Variants in ACSM2B observed in about 807,000 individuals in gnomAD.
ACSM2B encodes the protein acyl-CoA synthetase medium chain family member 2B.
In ACSM2B, 58 loss-of-function variants were observed where a neutral mutation model predicts 78.6. The observed-to-expected ratio is 0.74, with a 90% CI of 0.60 to 0.92. The LOEUF (loss-of-function observed/expected upper bound fraction) is 0.92. ACSM2B is among the 40% of genes least tolerant of loss of function. The pLI is 0.00. For synonymous variants in ACSM2B, 257 were observed against 256.8 expected (o/e 1.00, Z -0.01); for missense variants, 688 against 711.2 (o/e 0.97, Z 0.37).
At chr16:20,543,928 T>A (rs1022602627) in intron 10 of ACSM2B, among the ~76,000 whole-genome samples, 1 of 152,164 alleles carries the variant, frequency 6.6e-6, no homozygotes, top group Non-Finnish European at 1.5e-5. Context: ...ATACTGATGA[T>A]CAGAGACATC....
Position 20,545,185 on chromosome 16 carries a change from C to A in ACSM2B, c.1253G>T (p.Arg418Met). Residue 418 changes from arginine to methionine, a missense_variant, in exon 10 of 14, where the codon AGG becomes ATG. Coordinates refer to ENST00000329697, the MANE Select transcript of ACSM2B (RefSeq NM_001105069.2). ...GDIGIRVKPI[R>M]PIGIFSGYVE... ...ATAGCCAGAGAAGATGCCTATAGGC[C>A]TGATGGGTTTGACCCTGATGCCAAT... is the stretch of plus-strand genomic sequence containing the variant. 6.2e-7 allele frequency: 1 copy of A among 1,613,812 alleles called. No individual in the cohort carries two copies. Among genetic ancestry groups the A allele is most frequent in the Non-Finnish European group, 8.5e-7 (1 of 1,179,810 alleles).
chr16:20,556,609 TAAAAG>T (rs2015482251), intron 3 of ACSM2B, among the ~76,000 whole-genome samples: 1 of 152,034 alleles, frequency 6.6e-6, no homozygotes, highest in South Asian at 2.1e-4. Context: ...CTCAAAAAAA[TAAAAG>T]AAAAAGAAAA....
Position 20,537,347 on chromosome 16 carries a change from T to G in ACSM2B, c.1645A>C (p.Asn549His). The G allele has an allele frequency of 1.9e-6, 3 of 1,613,978 alleles. No individual in the cohort carries two copies. Among genetic ancestry groups the G allele is most frequent in the Non-Finnish European group, 2.5e-6 (3 of 1,179,886 alleles). ...KYPRKIEFVL[N>H]LPKTVTGKIQ... Reference sequence around the variant, plus strand: ...TTCCCTGTGACAGTCTTGGGCAGGTTCAAGACAAACTCTATCTGTTGAAAA... The same window carrying G: ...TTCCCTGTGACAGTCTTGGGCAGGTGCAAGACAAACTCTATCTGTTGAAAA... The change falls in exon 14 of 14, where the codon AAC (asparagine) becomes CAC (histidine). Residue 549 changes from asparagine to histidine, a missense_variant. By Grantham distance (68) the Asn-to-His change is moderately conservative. Transcript: ENST00000329697.
intron 2 of ACSM2B, among the ~76,000 whole-genome samples, chr16:20,562,536 T>C (rs28690430): frequency 0.032 from 4,811 of 152,264 alleles, 219 homozygotes; most frequent in African/African-American, 0.1. Flanking sequence ...AAGCTAACTA[T>C]AGGAGGAATT....
chr16:20,546,469 T>C lies in ACSM2B; in HGVS notation c.1104A>G (p.Leu368=), dbSNP rs139236064. The change falls in exon 9 of 14, where the codon TTA becomes TTG. Residue 368 remains leucine (L), a synonymous_variant. Coordinates refer to ENST00000329697, the MANE Select transcript of ACSM2B (RefSeq NM_001105069.2). ...TCATTGTCTTGGAAACCATGCAAGT[T>C]AATCCCTGTGGAAAGAAGCAGACAG... ...REFYGQTETG[L]TCMVSKTMKI... The C allele has an allele frequency of 5.5e-4, 875 of 1,600,482 alleles. 2 individuals carry two copies. The African/African-American group carries it at 7.1e-3, about 13-fold the overall frequency.
chr16:20,546,635 G>T, intron 8 of ACSM2B, 161 bp from the exon 9 acceptor site: 4 of 1,294,042 alleles, frequency 3.1e-6, no homozygotes, highest in Non-Finnish European at 4.1e-6. Flanking sequence ...CCCATTACTG[G>T]AATCACAATC....
chr16:20,557,914 G>A (rs1442982421), intron 3 of ACSM2B, among the ~76,000 whole-genome samples: 3 of 152,050 alleles, frequency 2.0e-5, no homozygotes, highest in African/African-American at 7.2e-5. Flanking sequence ...CTCATCCCTG[G>A]ACATAGTCCA....
chr16:20,551,837 G>A (rs9940784), intron 6 of ACSM2B, among the ~76,000 whole-genome samples: 6,893 of 152,136 alleles, frequency 0.045, 535 homozygotes, highest in African/African-American at 0.16. Context: ...TTTTACATGT[G>A]GTTCACCAGC....
intron 10 of ACSM2B, among the ~76,000 whole-genome samples, chr16:20,544,018 G>A (rs759437371): frequency 3.9e-5 from 6 of 152,214 alleles, no homozygotes; most frequent in African/African-American, 7.2e-5. Context: ...CTACTGGATT[G>A]ACTTTCTCAT....
intron 3 of ACSM2B, among the ~76,000 whole-genome samples, chr16:20,557,242 G>A (rs1392453578): frequency 3.3e-5 from 5 of 152,028 alleles, no homozygotes. Flanking sequence ...TGGACATCCT[G>A]GACTCAACAT....
chr16:20,552,756 T>G (rs1308050051), intron 5 of ACSM2B, among the ~76,000 whole-genome samples: 1 of 152,236 alleles, frequency 6.6e-6, no homozygotes, highest in Non-Finnish European at 1.5e-5. Context: ...GGTCTTGCAC[T>G]AAGTGAACTC....
At chr16:20,568,617 C>G (rs1228681884) in intron 1 of ACSM2B, among the ~76,000 whole-genome samples, 1 of 151,408 alleles carries the variant, frequency 6.6e-6, no homozygotes, top group African/African-American at 2.4e-5. Flanking sequence ...AATGGTAGTT[C>G]TACTTTTCGT....
At chr16:20,548,774 C>A (rs562000168) in intron 6 of ACSM2B, among the ~76,000 whole-genome samples, 30 of 152,122 alleles carry the variant, frequency 2.0e-4, no homozygotes, top group Non-Finnish European at 4.1e-4. Context: ...CATTAACACA[C>A]CCCTAGGAGT....
At chr16:20,566,135 A>T (rs962521232) in intron 1 of ACSM2B, among the ~76,000 whole-genome samples, 1 of 145,216 alleles carries the variant, frequency 6.9e-6, no homozygotes, top group African/African-American at 2.5e-5. Flanking sequence ...ATTTTTATAT[A>T]TATTTTTGTT....
chr16:20,562,384 T>A (rs1333825936), intron 2 of ACSM2B, among the ~76,000 whole-genome samples: 1 of 152,112 alleles, frequency 6.6e-6, no homozygotes. Flanking sequence ...TGTTAGCAAT[T>A]TTATTAGCTA....
At chr16:20,554,890 T>C (rs2015421125) in intron 4 of ACSM2B, among the ~76,000 whole-genome samples, 1 of 152,226 alleles carries the variant, frequency 6.6e-6, no homozygotes, top group Admixed American at 6.5e-5. Context: ...TTCTCTGTTT[T>C]ACCATAGCAT....
intron 1 of ACSM2B, among the ~76,000 whole-genome samples, chr16:20,565,443 G>A (rs988930724): frequency 1.3e-5 from 2 of 152,140 alleles, no homozygotes; most frequent in Non-Finnish European, 2.9e-5. Context: ...GTGGAGTTGA[G>A]CTGAGCCTAG....
Position 20,541,491 on chromosome 16 carries a change from G to C in ACSM2B, c.1510-718C>G, listed in dbSNP as rs571414530. Among the ~76,000 whole-genome samples, 174 of 151,964 alleles carry C rather than the reference G, an allele frequency of 1.1e-3. 2 individuals carry two copies. The highest frequency in any genetic ancestry group is 3.2e-3 in the African/African-American group (133 of 41,390). On this transcript the variant is annotated intron_variant, in intron 12 of 13. Coordinates refer to ENST00000329697, the MANE Select transcript of ACSM2B (RefSeq NM_001105069.2). ...TTTTCACTGTGAACTCTGTGGCACA[G>C]GGGCTCTATCCTTTGGCTCAAATCC...
intron 1 of ACSM2B, among the ~76,000 whole-genome samples, chr16:20,572,257 G>A (rs2016111805): frequency 6.8e-6 from 1 of 147,596 alleles, no homozygotes; most frequent in Admixed American, 6.8e-5. Flanking sequence ...AGCAGTTCTT[G>A]TAGTGCTGGC....
Sources: gnomAD v4.1 joint callset for allele counts (sites outside exome capture counted in the v4.1 genomes callset) on GRCh38, gnomAD v4.1.1 for gene constraint, MANE v1.5 for transcripts, NCBI Gene and HGNC (gene_info 2026-07-23, HGNC 2026-07-21) for gene names.